PCDH15: variants seen among roughly 807,000 people sequenced by gnomAD.
PCDH15 encodes the protein protocadherin-15.
A neutral mutation model predicts 178.5 loss-of-function variants in PCDH15; 129 were observed. The ratio of observed to expected loss-of-function variants is 0.72; its 90% CI spans 0.63 to 0.84. The LOEUF (loss-of-function observed/expected upper bound fraction) is 0.84. Among genes scored for constraint, PCDH15 ranks in the 40% least tolerant of loss-of-function variants. The pLI, the probability that PCDH15 is intolerant of heterozygous loss-of-function variation, is 0.00. For synonymous variants in PCDH15, 800 were observed against 732.0 expected (o/e 1.09, Z -1.50); for missense variants, 2,230 against 2,099.9 (o/e 1.06, Z -1.21).
At chr10:55,059,219 T>C (rs868370393) in intron 2 of PCDH15, among the ~76,000 whole-genome samples, 27 of 152,148 alleles carry the variant, frequency 1.8e-4, no homozygotes, top group African/African-American at 6.3e-4. Context: ...AAGGAGGCCA[T>C]AGTACTTTAA....
chr10:54,219,114 AAAAAC>A (rs2052454530), intron 9 of PCDH15, among the ~76,000 whole-genome samples: 4 of 145,946 alleles, frequency 2.7e-5, no homozygotes, highest in African/African-American at 7.9e-5. Flanking sequence ...AAAACAAAAA[AAAAAC>A]AAAAAATTAG....
At chr10:54,249,176 C>T (rs980890410) in intron 8 of PCDH15, among the ~76,000 whole-genome samples, 1 of 152,144 alleles carries the variant, frequency 6.6e-6, no homozygotes, top group African/African-American at 2.4e-5. Flanking sequence ...CGTATATAAA[C>T]ACATGTAATA....
rs564780332 is a variant in PCDH15, at chr10:55,614,492, C to T, written c.-156+13133G>A. Among the ~76,000 whole-genome samples the T allele has an allele frequency of 7.9e-5, 12 of 152,222 alleles. No individual in the cohort carries two copies. The South Asian group carries it at 2.5e-3, about 32-fold the overall frequency. On this transcript the variant is annotated intron_variant, in intron 2 of 5. Coordinates refer to the PCDH15 transcript ENST00000613346. The stretch of plus-strand genomic sequence containing the variant: ...TGTTTTAAGTGCATGAGGGATAAAG[C>T]AAGACTTAGAAATATTTTTGTTAGA...
chr10:54,136,993 AGGGTTACT>A (rs2042963409), intron 14 of PCDH15, among the ~76,000 whole-genome samples: 1 of 152,168 alleles, frequency 6.6e-6, no homozygotes, highest in South Asian at 2.1e-4. Context: ...AGGCTTCTTG[AGGGTTACT>A]GCCTTTTAAA....
At chr10:55,028,480 A>T (rs1840530127) in intron 2 of PCDH15, among the ~76,000 whole-genome samples, 1 of 152,002 alleles carries the variant, frequency 6.6e-6, no homozygotes, top group South Asian at 2.1e-4. Flanking sequence ...CTTTATAACA[A>T]AGACAAATTT....
chr10:54,583,521 A>G (rs185762001), intron 2 of PCDH15, among the ~76,000 whole-genome samples: 1 of 152,188 alleles, frequency 6.6e-6, no homozygotes, highest in African/African-American at 2.4e-5. Flanking sequence ...GGATACCACA[A>G]TGGGCAAATG....
intron 2 of PCDH15, among the ~76,000 whole-genome samples, chr10:55,592,600 T>C (rs1325678190): frequency 4.6e-5 from 7 of 152,100 alleles, no homozygotes; most frequent in African/African-American, 1.7e-4. Context: ...CAAATCTTTA[T>C]TCCATGTTTC....
chr10:54,842,875 T>G (rs762466723), intron 3 of PCDH15, among the ~76,000 whole-genome samples: 4 of 151,776 alleles, frequency 2.6e-5, no homozygotes, highest in African/African-American at 9.7e-5. Flanking sequence ...CCAGGGTAAA[T>G]AGGTTTGCTG....
chr10:54,854,013 C>T (rs1218328381), intron 3 of PCDH15, among the ~76,000 whole-genome samples: 1 of 152,178 alleles, frequency 6.6e-6, no homozygotes, highest in Non-Finnish European at 1.5e-5. Flanking sequence ...GGGTCCCATG[C>T]CTGCCAAAGG....
chr10:54,407,466 G>A (rs1952836565), intron 3 of PCDH15, among the ~76,000 whole-genome samples: 1 of 151,918 alleles, frequency 6.6e-6, no homozygotes, highest in South Asian at 2.1e-4. Context: ...TTTTAATCTG[G>A]ATAATGGCTC....
At chr10:55,080,876 T>A (rs1000453095) in intron 2 of PCDH15, among the ~76,000 whole-genome samples, 1 of 152,114 alleles carries the variant, frequency 6.6e-6, no homozygotes, top group Non-Finnish European at 1.5e-5. Flanking sequence ...GACAGTCAGT[T>A]TTCAGGCTTG....
chr10:54,306,985 C>T lies in PCDH15; in HGVS notation c.876+10286G>A, dbSNP rs187350956. Among the ~76,000 whole-genome samples the T allele has an allele frequency of 5.4e-4, 69 of 127,602 alleles. 1 individual carries two copies. In the East Asian group the frequency reaches 0.013, roughly 24 times the overall value. 83.7% of individuals were successfully genotyped at this position (127,602 alleles called of 152,430 possible). On this transcript the variant is annotated intron_variant, in intron 8 of 37. Transcript: ENST00000644397. Reference sequence around the variant, plus strand: ...TTTTATGTAGGCCAGAGTCATTTGGCTTGTTTGAAATTAAATATATATATA... The same window carrying T: ...TTTTATGTAGGCCAGAGTCATTTGGTTTGTTTGAAATTAAATATATATATA...
intron 25 of PCDH15, among the ~76,000 whole-genome samples, chr10:53,908,515 C>G (rs185111246): frequency 3.1e-4 from 47 of 152,288 alleles, no homozygotes; most frequent in African/African-American, 1.1e-3. Flanking sequence ...GGGCTCAAGC[C>G]TGTTTACCTC....
At chr10:54,376,323 A>C (rs545329545) in intron 4 of PCDH15, among the ~76,000 whole-genome samples, 1 of 151,678 alleles carries the variant, frequency 6.6e-6, no homozygotes, top group African/African-American at 2.4e-5. Context: ...TTTGGTATTT[A>C]TCATAATAAT....
At chr10:54,879,964 A>G (rs1762151446) in intron 3 of PCDH15, among the ~76,000 whole-genome samples, 1 of 151,936 alleles carries the variant, frequency 6.6e-6, no homozygotes, top group East Asian at 1.9e-4. Context: ...AAAATTAGAG[A>G]TTCGGCTAAA....
At chr10:53,869,810 C>T (rs1375863432) in intron 26 of PCDH15, among the ~76,000 whole-genome samples, 3 of 152,004 alleles carry the variant, frequency 2.0e-5, no homozygotes, top group African/African-American at 4.8e-5. Flanking sequence ...TTCCAGAATG[C>T]ACTTCATGCA....
chr10:54,668,212 C>A (rs1333070442), intron 1 of PCDH15, among the ~76,000 whole-genome samples: 1 of 151,904 alleles, frequency 6.6e-6, no homozygotes, highest in Non-Finnish European at 1.5e-5. Context: ...AAAGCTGACA[C>A]ATTTCTTTTC....
intron 2 of PCDH15, among the ~76,000 whole-genome samples, chr10:54,953,734 C>T (rs910534097): frequency 3.3e-5 from 5 of 150,994 alleles, no homozygotes; most frequent in Non-Finnish European, 5.9e-5. Flanking sequence ...AAATATTCAT[C>T]GGTATGTCCT....
At chr10:53,976,350 A>C (rs2090180378) in intron 21 of PCDH15, among the ~76,000 whole-genome samples, 1 of 152,174 alleles carries the variant, frequency 6.6e-6, no homozygotes, top group African/African-American at 2.4e-5. Flanking sequence ...GAGTATAAAA[A>C]ATGAAAAAGC....
Sources: gnomAD v4.1 joint callset for allele counts (sites outside exome capture counted in the v4.1 genomes callset) on GRCh38, gnomAD v4.1.1 for gene constraint, MANE v1.5 for transcripts, NCBI Gene and HGNC (gene_info 2026-07-23, HGNC 2026-07-21) for gene names.